Variants in HERC2 observed in about 807,000 individuals in gnomAD.
HERC2 encodes the protein E3 ubiquitin-protein ligase HERC2.
In HERC2, 102 loss-of-function variants were observed where a neutral mutation model predicts 537.7. The observed-to-expected ratio is 0.19, with a 90% CI of 0.16 to 0.22. HERC2 has a LOEUF of 0.22. Among genes scored for constraint, HERC2 ranks in the 10% least tolerant of loss-of-function variants. The pLI is 1.00. For missense variants in HERC2, 4,236 were observed against 6,198.2 expected (o/e 0.68, Z 10.63); for synonymous variants, 2,224 against 2,466.2 (o/e 0.90, Z 2.91).
At position 28,218,527 on chromosome 15, in the gene HERC2, A is replaced by G. The variant is rs1397740514; in HGVS notation, c.5990T>C (p.Leu1997Pro). ...CGTTCCGCTTTCCACTAACATTCGC[A>G]GCAGTCCGCATAAAGTCTTGGTGGC... is the stretch of plus-strand genomic sequence containing the variant. ...SEATKTLCGL[L>P]RMLVESGTTD... Residue 1997 changes from leucine (L) to proline (P), a missense_variant, in exon 38 of 93, where the codon CTG (leucine) becomes CCG (proline). This residue lies in a region of HERC2 where 365 missense variants were observed against 468.8 expected (regional missense o/e 0.78). Transcript: ENST00000261609. The G allele has an allele frequency of 1.3e-6, 2 of 1,596,684 alleles. No homozygotes were observed. Among genetic ancestry groups the G allele is most frequent in the Admixed American group, 1.7e-5 (1 of 59,924 alleles).
In HERC2 at chr15:28,177,567, A is replaced by G; in HGVS notation, c.9164-58T>C. The G allele has an allele frequency of 3.3e-6, 5 of 1,499,978 alleles. No individual in the cohort carries two copies. The highest frequency in any genetic ancestry group is 4.6e-6 in the Non-Finnish European group (5 of 1,076,810). 92.9% of individuals were successfully genotyped at this position (1,499,978 alleles called of 1,614,324 possible). On this transcript the variant is annotated intron_variant, in intron 59 of 92. Transcript: ENST00000261609. This position sits in a 1 kb window ranked among gnomAD's most constrained non-coding sequence, Gnocchi z 5.0. ...GGGCAGGGAACAGAAAGCCCACAGC[A>G]TAGCTAGCTCCCTATTTTGCCTGGC...
intron 4 of HERC2, among the ~76,000 whole-genome samples, chr15:28,282,971 T>C (rs1310490853): frequency 8.2e-6 from 1 of 121,920 alleles, no homozygotes. Flanking sequence ...CAGGAAGGGA[T>C]GGGACGGGAC....
chr15:28,272,944 G>A lies in HERC2; in HGVS notation c.861C>T (p.His287=). 1 of 1,612,380 alleles carries A rather than the reference G, an allele frequency of 6.2e-7. No individual in the cohort carries two copies. The highest frequency in any genetic ancestry group is 8.5e-7 in the Non-Finnish European group (1 of 1,180,016). Residue 287 remains histidine (H), a synonymous_variant, in exon 8 of 93, where the codon CAC becomes CAT. Coordinates refer to ENST00000261609, the MANE Select transcript of HERC2 (RefSeq NM_004667.6). ...GCTCCAGCAGGATGGCCAGGGCCAA[G>A]TGCTGGTCCTGCAGGGGGATGCTTC... ...GPGSIPLQDQ[H]LALAILLELA...
intron 67 of HERC2, 77 bp downstream of exon 67, chr15:28,168,330 A>T: frequency 1.4e-6 from 2 of 1,401,450 alleles, no homozygotes; most frequent in Non-Finnish European, 2.0e-6. Flanking sequence ...AAACTAAATG[A>T]CACAATGAGA....
chr15:28,227,481 A>C (rs1433306296), intron 35 of HERC2, among the ~76,000 whole-genome samples: 4 of 151,920 alleles, frequency 2.6e-5, no homozygotes, highest in Middle Eastern at 3.4e-3. Context: ...AAAAAAAAAA[A>C]ACACAAAAAA....
At chr15:28,311,442 G>C (rs2076943428) in intron 2 of HERC2, among the ~76,000 whole-genome samples, 1 of 152,118 alleles carries the variant, frequency 6.6e-6, no homozygotes, top group African/African-American at 2.4e-5. Context: ...TCCAGCCTGG[G>C]CAACAGAGTG....
At chr15:28,156,234 T>A (rs1472504453) in intron 69 of HERC2, among the ~76,000 whole-genome samples, 1 of 152,214 alleles carries the variant, frequency 6.6e-6, no homozygotes, top group African/African-American at 2.4e-5. Context: ...TAGGATTGAC[T>A]TGGCAATGCG....
chr15:28,163,274 G>A lies in HERC2; in HGVS notation c.10566C>T (p.Ser3522=), dbSNP rs991979616. ...TMTKTKEDVE[S]QNKAAGPEPQ... Reference sequence around the variant, plus strand: ...GCTCCGGACCTGCTGCTTTATTTTGGCTTTCAACATCCTAAGTCAAATGAC... The same window carrying A: ...GCTCCGGACCTGCTGCTTTATTTTGACTTTCAACATCCTAAGTCAAATGAC... The change falls in exon 69 of 93, where the codon AGC becomes AGT. Residue 3522 remains serine (S), a synonymous_variant. Transcript: ENST00000261609. 6.2e-7 allele frequency: 1 copy of A among 1,612,628 alleles called. No homozygotes were observed. Among genetic ancestry groups the A allele is most frequent in the African/African-American group, 1.3e-5 (1 of 75,026 alleles).
intron 26 of HERC2, among the ~76,000 whole-genome samples, chr15:28,234,943 T>C (rs1386315612): frequency 8.6e-5 from 13 of 151,476 alleles, no homozygotes; most frequent in Admixed American, 2.6e-4. Flanking sequence ...TAATGAAGGA[T>C]AGATCCTTGG....
At chr15:28,197,360 A>C (rs1365418292) in intron 50 of HERC2, among the ~76,000 whole-genome samples, 1 of 152,228 alleles carries the variant, frequency 6.6e-6, no homozygotes, top group Non-Finnish European at 1.5e-5. Flanking sequence ...TTGGAATCTC[A>C]ATAGTATCAT....
chr15:28,234,981 G>C (rs1441910262), intron 26 of HERC2, among the ~76,000 whole-genome samples: 1 of 151,828 alleles, frequency 6.6e-6, no homozygotes, highest in East Asian at 1.9e-4. Flanking sequence ...GACTGGAAAG[G>C]AGACCTGTGC....
At chr15:28,317,433 A>G (rs374833379) in intron 2 of HERC2, among the ~76,000 whole-genome samples, 6 of 152,264 alleles carry the variant, frequency 3.9e-5, no homozygotes, top group African/African-American at 1.4e-4. Context: ...CTAAGAGCTT[A>G]CATTTATGCG....
At chr15:28,297,922 C>G (rs1372648702) in intron 3 of HERC2, among the ~76,000 whole-genome samples, 1 of 148,418 alleles carries the variant, frequency 6.7e-6, no homozygotes, top group Admixed American at 6.8e-5. Context: ...GGTGGATGGA[C>G]AGACAGCAGG....
Position 28,191,985 on chromosome 15 carries a change from C to A in HERC2, c.8427G>T (p.Trp2809Cys). 1.2e-6 allele frequency: 2 copies of A among 1,613,744 alleles called. No homozygotes were observed. The highest frequency in any genetic ancestry group is 1.7e-6 in the Non-Finnish European group (2 of 1,179,984). ...CCTTTCCTTGCGACCCCGATGACTG[C>A]CAGCAGGGCTCGCTGCCGTCAATGA... ...SRLIDGSEPC[W>C]QSSGSQGKHW... The change falls in exon 53 of 93, where the codon TGG (tryptophan) becomes TGT (cysteine). Residue 2809 changes from tryptophan (W) to cysteine (C), a missense_variant. Coordinates refer to ENST00000261609, the MANE Select transcript of HERC2 (RefSeq NM_004667.6).
rs779088733 is a variant in HERC2 at position 28,178,975 on chromosome 15, C to T, written c.9075G>A (p.Gly3025=). Residue 3025 remains glycine, a synonymous_variant, in exon 59 of 93, where the codon GGG becomes GGA. Coordinates refer to ENST00000261609, the MANE Select transcript of HERC2 (RefSeq NM_004667.6). ...GCACCGTCCCGCTGGAAATGCCCAG[C>T]CCCAGCCGGCCATTCGTGGCTTCTC... ...ACGEATNGRL[G]LGISSGTVPI... The T allele has an allele frequency of 6.2e-7, 1 of 1,614,222 alleles. No homozygotes were observed. The highest frequency in any genetic ancestry group is 1.1e-5 in the South Asian group (1 of 91,086).
chr15:28,284,274 A>G (rs1371290515), intron 4 of HERC2, among the ~76,000 whole-genome samples: 8 of 152,318 alleles, frequency 5.3e-5, no homozygotes, highest in Non-Finnish European at 1.0e-4. Flanking sequence ...CACTACAGAT[A>G]AAATAGAATG....
chr15:28,229,980 A>G, intron 31 of HERC2, 133 bp from the exon 32 acceptor site: 1 of 723,132 alleles, frequency 1.4e-6, no homozygotes, highest in Non-Finnish European at 2.4e-6. Flanking sequence ...ACATGGTTTT[A>G]AAACTATGCT....
At chr15:28,201,657 T>C in intron 47 of HERC2, 103 bp from the exon 48 acceptor site, 2 of 749,476 alleles carry the variant, frequency 2.7e-6, no homozygotes, top group Non-Finnish European at 4.5e-6. Context: ...AAGTAGAGGA[T>C]GAAATCCTTT....
intron 56 of HERC2, 134 bp downstream of exon 56, chr15:28,186,443 T>C: frequency 3.2e-6 from 2 of 624,738 alleles, no homozygotes; most frequent in Non-Finnish European, 2.6e-6. Flanking sequence ...TGGAAACAAC[T>C]GTAATTTACC....
Sources: allele counts gnomAD v4.1 joint callset (sites outside exome capture counted in the v4.1 genomes callset), GRCh38; gene constraint gnomAD v4.1.1; regional missense constraint gnomAD v4.1.1; non-coding constraint Gnocchi (gnomAD v3.1); transcripts MANE v1.5; gene names NCBI Gene and HGNC (gene_info 2026-07-23, HGNC 2026-07-21).